The following PCDH7 variants were observed in gnomAD, a reference collection of about 807,000 sequenced individuals.
PCDH7 encodes the protein protocadherin-7.
Under a neutral mutation model 58.9 loss-of-function variants are expected in PCDH7, and 17 were observed. The ratio of observed to expected loss-of-function variants is 0.29; its 90% CI spans 0.20 to 0.43. The LOEUF (loss-of-function observed/expected upper bound fraction) is 0.43. PCDH7 is among the 20% of genes least tolerant of loss of function. The probability of loss-of-function intolerance (pLI) is 1.00; values close to 1 mark genes in which losing one functional copy is unlikely to be tolerated. For synonymous variants in PCDH7, 664 were observed against 616.4 expected, an observed-to-expected ratio of 1.08 and a Z score of -1.14; for missense variants, 1,274 against 1,441.0, an observed-to-expected ratio of 0.88 and a Z score of 1.88.
At position 30,843,492 on chromosome 4, in the gene PCDH7, C is replaced by A. The variant is rs905028293; in HGVS notation, c.71-76661C>A. Among the ~76,000 whole-genome samples the A allele has an allele frequency of 7.2e-5, 11 of 152,260 alleles. No homozygotes were observed. In the East Asian group the frequency reaches 1.7e-3, roughly 24 times the overall value. ...TACAGGCGTGAGCCACTCCGCCTGG[C>A]CTGGAATATAGAACTTTAAAGAAAA... is the stretch of plus-strand genomic sequence containing the variant. On this transcript the variant is annotated intron_variant, in intron 1 of 3. Coordinates refer to the PCDH7 transcript ENST00000509759.
At chr4:31,037,575 A>G (rs1755526418) in intron 3 of PCDH7, among the ~76,000 whole-genome samples, 1 of 152,210 alleles carries the variant, frequency 6.6e-6, no homozygotes, top group Admixed American at 6.5e-5. Flanking sequence ...ATCTTCAATG[A>G]TTAAAATATT....
intron 3 of PCDH7, among the ~76,000 whole-genome samples, chr4:31,132,434 A>T (rs1477928916): frequency 6.6e-6 from 1 of 152,106 alleles, no homozygotes; most frequent in African/African-American, 2.4e-5. Flanking sequence ...CCATTCCTGA[A>T]GGCAATATTA....
intron 3 of PCDH7, among the ~76,000 whole-genome samples, chr4:31,003,563 G>C (rs1332448514): frequency 5.3e-5 from 8 of 152,088 alleles, no homozygotes; most frequent in African/African-American, 1.9e-4. Flanking sequence ...CCCCAAATCG[G>C]AACTGCTCCA....
chr4:31,128,499 T>C (rs954817179), intron 3 of PCDH7, among the ~76,000 whole-genome samples: 1 of 152,218 alleles, frequency 6.6e-6, no homozygotes, highest in African/African-American at 2.4e-5. Context: ...GTTTTGAAAA[T>C]TTTCATCTAT....
At chr4:31,028,280 T>G (rs1178536878) in intron 3 of PCDH7, among the ~76,000 whole-genome samples, 2 of 152,142 alleles carry the variant, frequency 1.3e-5, no homozygotes, top group African/African-American at 4.8e-5. Context: ...AATCCCTGGG[T>G]TTTTTTGTTT....
intron 1 of PCDH7, among the ~76,000 whole-genome samples, chr4:30,784,538 TG>T (rs1361156772): frequency 6.6e-6 from 1 of 152,132 alleles, no homozygotes; most frequent in African/African-American, 2.4e-5. Context: ...ATTATATTCC[TG>T]GGGATGCTTT....
intron 3 of PCDH7, among the ~76,000 whole-genome samples, chr4:31,023,322 A>AT (rs1754175905): frequency 6.6e-6 from 1 of 152,136 alleles, no homozygotes; most frequent in Non-Finnish European, 1.5e-5. Context: ...TGACACTCAG[A>AT]TGAGGCTCCT....
At chr4:31,024,184 A>C (rs2109174359) in intron 3 of PCDH7, among the ~76,000 whole-genome samples, 1 of 152,328 alleles carries the variant, frequency 6.6e-6, no homozygotes, top group South Asian at 2.1e-4. Context: ...ATATTTGAAA[A>C]ATATGCGCTT....
At chr4:30,939,009 A>G (rs1283251457) in intron 2 of PCDH7, among the ~76,000 whole-genome samples, 1 of 152,122 alleles carries the variant, frequency 6.6e-6, no homozygotes, top group Non-Finnish European at 1.5e-5. Flanking sequence ...CTTTAAGGCT[A>G]TTTCAGTGGA....
intron 1 of PCDH7, among the ~76,000 whole-genome samples, chr4:30,915,626 C>A (rs556194337): frequency 6.6e-6 from 1 of 151,990 alleles, no homozygotes; most frequent in Admixed American, 6.6e-5. Flanking sequence ...CGGGTTCAAG[C>A]GATTCTCCTG....
At chr4:31,074,469 T>C (rs1261766048) in intron 3 of PCDH7, among the ~76,000 whole-genome samples, 1 of 151,992 alleles carries the variant, frequency 6.6e-6, no homozygotes, top group Non-Finnish European at 1.5e-5. Context: ...CTCTACATTA[T>C]GCAAAGACAT....
At chr4:30,750,671 T>G (rs1718392687) in intron 1 of PCDH7, among the ~76,000 whole-genome samples, 1 of 152,162 alleles carries the variant, frequency 6.6e-6, no homozygotes, top group African/African-American at 2.4e-5. Context: ...CTGTATGCCC[T>G]TATCCATTAT....
chr4:30,789,129 A>G (rs1172641587), intron 1 of PCDH7, among the ~76,000 whole-genome samples: 1 of 152,164 alleles, frequency 6.6e-6, no homozygotes, highest in Non-Finnish European at 1.5e-5. Flanking sequence ...TTCTGGGATC[A>G]ATAGGTCCCC....
At chr4:31,097,666 T>G (rs1714328007) in intron 3 of PCDH7, among the ~76,000 whole-genome samples, 1 of 136,784 alleles carries the variant, frequency 7.3e-6, no homozygotes, top group African/African-American at 2.7e-5. Flanking sequence ...TTCTGTAATT[T>G]CCTTTGTGAG....
intron 3 of PCDH7, among the ~76,000 whole-genome samples, chr4:31,040,369 TA>T (rs541561410): frequency 1.2e-3 from 184 of 152,328 alleles, no homozygotes; most frequent in Middle Eastern, 6.8e-3. Context: ...CATGCTGATG[TA>T]AACTTTATCT....
intron 1 of PCDH7, among the ~76,000 whole-genome samples, chr4:30,797,339 C>T (rs1354359157): frequency 1.3e-5 from 2 of 151,884 alleles, no homozygotes; most frequent in Non-Finnish European, 2.9e-5. Flanking sequence ...GTGGCTCCAT[C>T]TCAGCTCACT....
At chr4:30,773,794 A>T (rs1721721967) in intron 1 of PCDH7, among the ~76,000 whole-genome samples, 1 of 152,022 alleles carries the variant, frequency 6.6e-6, no homozygotes, top group Non-Finnish European at 1.5e-5. Flanking sequence ...TCTGGGAGGG[A>T]TTCCCTTCCC....
intron 2 of PCDH7, among the ~76,000 whole-genome samples, chr4:30,949,191 C>T (rs1747071330): frequency 6.6e-6 from 1 of 152,072 alleles, no homozygotes; most frequent in Admixed American, 6.6e-5. Flanking sequence ...ATAAAATACA[C>T]ATCTATTTTT....
At chr4:30,899,487 G>C (rs1413813621) in intron 1 of PCDH7, among the ~76,000 whole-genome samples, 1 of 152,070 alleles carries the variant, frequency 6.6e-6, no homozygotes. Context: ...AATCTTATTT[G>C]AGCCTGCCCT....
Sources: gnomAD v4.1 joint callset for allele counts (sites outside exome capture counted in the v4.1 genomes callset) on GRCh38, gnomAD v4.1.1 for gene constraint, MANE v1.5 for transcripts, NCBI Gene and HGNC (gene_info 2026-07-23, HGNC 2026-07-21) for gene names.